SERINC4: variants seen among roughly 807,000 people sequenced by gnomAD.
SERINC4 encodes serine incorporator 4.
A neutral mutation model predicts 52.0 loss-of-function variants in SERINC4; 52 were observed. The ratio of observed to expected loss-of-function variants is 1.00; its 90% CI spans 0.80 to 1.26. SERINC4 has a LOEUF of 1.26. SERINC4 is among the 50% of genes most tolerant of loss of function. SERINC4 has a pLI of 0.00. For synonymous variants in SERINC4, 264 were observed against 247.7 expected (o/e 1.07, Z -0.62); for missense variants, 723 against 632.8 (o/e 1.14, Z -1.53).
At chr15:43,797,606 T>C in intron 5 of SERINC4, 1 of 516,914 alleles carries the variant, frequency 1.9e-6, no homozygotes. Context: ...TTGGCCAGGC[T>C]GGTCTCAAAC....
Position 43,795,665 on chromosome 15 carries a change from A to C in SERINC4, c.1189+23T>G, listed in dbSNP as rs2087196640. 6.8e-6 allele frequency: 11 copies of C among 1,613,270 alleles called. No individual in the cohort carries two copies. In the East Asian group the frequency reaches 2.5e-4, roughly 36 times the overall value. On this transcript the variant is annotated intron_variant, in intron 10 of 11. Coordinates refer to ENST00000319327, the MANE Select transcript of SERINC4 (RefSeq NM_001258031.2). The stretch of plus-strand genomic sequence containing the variant: ...ACTCCACAGAGATCTACCACTTCTT[A>C]TGGTTCCTCACTTGGCACTCACCTT...
In SERINC4 at chr15:43,796,910, G is replaced by A. The variant is rs773034888; in HGVS notation, c.875C>T (p.Ser292Phe). 4.3e-6 allele frequency: 7 copies of A among 1,613,318 alleles called. No homozygotes were observed. In the South Asian group the frequency reaches 4.4e-5, roughly 10 times the overall value. The change falls in exon 7 of 12, where the codon TCT (serine) becomes TTT (phenylalanine). Residue 292 changes from serine (S) to phenylalanine (F), a missense_variant. Physicochemically the swap from Ser to Phe is radical, Grantham distance 155. Coordinates refer to ENST00000319327, the MANE Select transcript of SERINC4 (RefSeq NM_001258031.2). ...ATACATGATATAGCAGCTGATGACA[G>A]AAGCTTGTAGGAGGCCAGAGCGGGG... is the stretch of plus-strand genomic sequence containing the variant. Reference protein sequence around the residue: ...KQPRSGLLQASVISCYIMYLT... With the variant: ...KQPRSGLLQAFVISCYIMYLT...
Position 43,799,226 on chromosome 15 carries a change from C to G in SERINC4, c.279+84G>C, listed in dbSNP as rs1263346141. 4.6e-6 allele frequency: 7 copies of G among 1,510,324 alleles called. No individual in the cohort carries two copies. The Admixed American group carries it at 5.9e-5, about 13-fold the overall frequency. The allele number at this position is 1,510,324 out of a possible 1,614,324, so 93.6% of individuals were successfully genotyped here. On this transcript the variant is annotated intron_variant, in intron 2 of 11. Transcript: ENST00000319327. ...CACGGGTATGACCACTCATTTGTCTCCTGCCCCCAACCGAAACCTTTTCTA... is the reference window on the plus strand; with the variant it reads ...CACGGGTATGACCACTCATTTGTCTGCTGCCCCCAACCGAAACCTTTTCTA...
chr15:43,795,040 T>C lies in SERINC4; in HGVS notation c.1517A>G (p.His506Arg). Residue 506 changes from histidine to arginine, a missense_variant, in exon 12 of 12, where the codon CAC (histidine) becomes CGC (arginine). Physicochemically the swap from His to Arg is conservative, Grantham distance 29. Coordinates refer to ENST00000319327, the MANE Select transcript of SERINC4 (RefSeq NM_001258031.2). ...TTTGTTATCTGGGGATATGATGCGG[T>C]GGCGGCGGCGCCTCAAGATAAGGGG... ...PQPLILRRRR[H>R]RIISPDNKYP... 3 of 1,601,156 alleles carry C rather than the reference T, an allele frequency of 1.9e-6. No homozygotes were observed. Among genetic ancestry groups the C allele is most frequent in the Non-Finnish European group, 2.6e-6 (3 of 1,172,612 alleles).
rs1203386648 is a variant in SERINC4, at chr15:43,799,919, C to T, written c.68G>A (p.Gly23Asp). Residue 23 changes from glycine (G) to aspartate (D), a missense_variant, in exon 1 of 12, where the codon GGC becomes GAC. Transcript: ENST00000319327. ...SLGLAQQHSG[G>D]SSVLVKSPFC... The stretch of plus-strand genomic sequence containing the variant: ...GGGACTTTTCACTAGGACACTGCTG[C>T]CTCCGCTGTGCTGCTGTGCCAGGCC... The T allele has an allele frequency of 5.8e-6, 9 of 1,549,658 alleles. No individual in the cohort carries two copies. Among genetic ancestry groups the T allele is most frequent in the African/African-American group, 5.5e-5 (4 of 73,030 alleles).
rs1420764094 is a variant in SERINC4 at position 43,797,325 on chromosome 15, A to T, written c.664T>A (p.Phe222Ile). The change falls in exon 6 of 12, where the codon TTC becomes ATC. Residue 222 changes from phenylalanine to isoleucine, a missense_variant. Phe to Ile is a conservative substitution (Grantham distance 21, BLOSUM62 0). Coordinates refer to ENST00000319327, the MANE Select transcript of SERINC4 (RefSeq NM_001258031.2). ...QTGAAQDCSW[F>I]LAVLLATLGF... is the part of the protein sequence containing the mutation. ...AGGGTGGCCAGCAGGACAGCCAGGAACCAGCTACAGTCTTGAGCTGCACCT... is the reference window on the plus strand; with the variant it reads ...AGGGTGGCCAGCAGGACAGCCAGGATCCAGCTACAGTCTTGAGCTGCACCT... 1 of 1,548,948 alleles carries T rather than the reference A, an allele frequency of 6.5e-7. No homozygotes were observed. Among genetic ancestry groups the T allele is most frequent in the Admixed American group, 2.0e-5 (1 of 50,980 alleles).
At position 43,796,872 on chromosome 15, in the gene SERINC4, C is replaced by T; in HGVS notation, c.913G>A (p.Ala305Thr). The T allele has an allele frequency of 6.2e-7, 1 of 1,614,082 alleles. No individual in the cohort carries two copies. Among genetic ancestry groups the T allele is most frequent in the South Asian group, 1.1e-5 (1 of 91,076 alleles). Residue 305 changes from alanine to threonine, a missense_variant, in exon 7 of 12, where the codon GCA (alanine) becomes ACA (threonine). Ala to Thr is a moderately conservative substitution (Grantham distance 58, BLOSUM62 0). Coordinates refer to ENST00000319327, the MANE Select transcript of SERINC4 (RefSeq NM_001258031.2). ...SCYIMYLTFS[A>T]LSSRPPERVI... ...CTCTCTGGAGGACGGCTGGACAGTG[C>T]AGAGAAAGTCAGATACATGATATAG... is the stretch of plus-strand genomic sequence containing the variant.
At chr15:43,795,888 G>T in intron 9 of SERINC4, 152 bp from the exon 10 acceptor site, 1 of 746,284 alleles carries the variant, frequency 1.3e-6, no homozygotes, top group Non-Finnish European at 2.2e-6. Flanking sequence ...TGGCTGTGCA[G>T]ACTTTGGTAA....
At chr15:43,797,032 G>A in intron 6 of SERINC4, 92 bp from the exon 7 acceptor site, 1 of 1,446,016 alleles carries the variant, frequency 6.9e-7, no homozygotes, top group South Asian at 1.2e-5. Flanking sequence ...ATCCTTTGGT[G>A]GGGATAGGGA....
rs1309566110 is a variant in SERINC4, at chr15:43,794,758, G to C, written c.*242C>G. 2.1e-6 allele frequency: 1 copy of C among 472,938 alleles called. No homozygotes were observed. The allele number at this position is 472,938 out of a possible 1,614,324, so 29.3% of individuals were successfully genotyped here. On this transcript the variant is annotated 3_prime_UTR_variant, in exon 12 of 12. Coordinates refer to ENST00000319327, the MANE Select transcript of SERINC4 (RefSeq NM_001258031.2). ...GGGATCAGCGGTGGTTCTTTGAGCTGCTGATTTGGGTGTTAGGCTCTTGAG... is the reference window on the plus strand; with the variant it reads ...GGGATCAGCGGTGGTTCTTTGAGCTCCTGATTTGGGTGTTAGGCTCTTGAG...
At chr15:43,798,548 A>T (rs780763002) in intron 3 of SERINC4, 44 bp from the exon 4 acceptor site, 1 of 1,455,846 alleles carries the variant, frequency 6.9e-7, no homozygotes, top group Non-Finnish European at 9.6e-7. Context: ...GAGAAAAGGC[A>T]AAGGACAGTG....
In SERINC4 at chr15:43,797,034, G is replaced by A. The variant is rs1348283131; in HGVS notation, c.845-94C>T. 5 of 1,452,348 alleles carry A rather than the reference G, an allele frequency of 3.4e-6. No individual in the cohort carries two copies. In the African/African-American group the frequency reaches 5.6e-5, roughly 16 times the overall value. 90.0% of individuals were successfully genotyped at this position (1,452,348 alleles called of 1,614,324 possible). ...CTTCTGTCTCCCCATCCTTTGGTGG[G>A]GATAGGGAAGCAGAGATTCTTTTAT... On this transcript the variant is annotated intron_variant, in intron 6 of 11. Coordinates refer to ENST00000319327, the MANE Select transcript of SERINC4 (RefSeq NM_001258031.2).
At position 43,796,824 on chromosome 15, in the gene SERINC4, A is replaced by T. The variant is rs776430494; in HGVS notation, c.940+21T>A. On this transcript the variant is annotated intron_variant, in intron 7 of 11. Transcript: ENST00000319327. Reference sequence around the variant, plus strand: ...GGCAAAAAAAGGTCTTAGCATGGAGAATCCAGGTCCTGTCCCTTACCTCTC... The same window carrying T: ...GGCAAAAAAAGGTCTTAGCATGGAGTATCCAGGTCCTGTCCCTTACCTCTC... The T allele has an allele frequency of 4.3e-6, 7 of 1,613,410 alleles. No homozygotes were observed. In the South Asian group the frequency reaches 6.6e-5, roughly 15 times the overall value.
chr15:43,797,218 C>G lies in SERINC4; in HGVS notation c.771G>C (p.Lys257Asn). The change falls in exon 6 of 12, where the codon AAG (lysine) becomes AAC (asparagine). Residue 257 changes from lysine to asparagine, a missense_variant. Lys to Asn is a moderately conservative substitution (Grantham distance 94). Coordinates refer to ENST00000319327, the MANE Select transcript of SERINC4 (RefSeq NM_001258031.2). ...YTHPAGCLLN[K>N]MLLSLHLCFC... ...AGCAAAGGTGCAGACTGAGGAGCAT[C>G]TTGTTAAGCAGGCAGCCAGCTGGGT... The G allele has an allele frequency of 6.4e-7, 1 of 1,550,750 alleles. No homozygotes were observed. Among genetic ancestry groups the G allele is most frequent in the South Asian group, 1.2e-5 (1 of 84,052 alleles).
rs2087287031 is a variant in SERINC4 at position 43,799,932 on chromosome 15, G to A, written c.55C>T (p.Gln19Ter). Residue 19 changes from glutamine to a stop codon, truncating the protein, a stop_gained, in exon 1 of 12, where the codon CAG (glutamine) becomes TAG (stop). Transcript: ENST00000319327. LOFTEE classifies it high-confidence loss of function. Reference sequence around the variant, plus strand: ...AGGACACTGCTGCCTCCGCTGTGCTGCTGTGCCAGGCCCAGGGAGGTGCCG... The same window carrying A: ...AGGACACTGCTGCCTCCGCTGTGCTACTGTGCCAGGCCCAGGGAGGTGCCG... ...SPGTSLGLAQ[Q>*]HSGGSSVLVK... 1 of 1,549,502 alleles carries A rather than the reference G, an allele frequency of 6.5e-7. No individual in the cohort carries two copies. The highest frequency in any genetic ancestry group is 1.4e-5 in the African/African-American group (1 of 73,006).
In SERINC4 at chr15:43,799,934, T is replaced by A; in HGVS notation, c.53A>T (p.Gln18Leu). The A allele has an allele frequency of 7.7e-6, 12 of 1,549,708 alleles. No homozygotes were observed. Among genetic ancestry groups the A allele is most frequent in the Non-Finnish European group, 1.0e-5 (12 of 1,146,654 alleles). Residue 18 changes from glutamine (Q) to leucine (L), a missense_variant, in exon 1 of 12, where the codon CAG becomes CTG. By Grantham distance (113) the Gln-to-Leu change is moderately radical (BLOSUM62 -2). Coordinates refer to ENST00000319327, the MANE Select transcript of SERINC4 (RefSeq NM_001258031.2). The part of the protein sequence containing the change: ...PSPGTSLGLA[Q>L]QHSGGSSVLV... Reference sequence around the variant, plus strand: ...GACACTGCTGCCTCCGCTGTGCTGCTGTGCCAGGCCCAGGGAGGTGCCGGG... The same window carrying A: ...GACACTGCTGCCTCCGCTGTGCTGCAGTGCCAGGCCCAGGGAGGTGCCGGG...
Position 43,796,918 on chromosome 15 carries a change from T to A in SERINC4, c.867A>T (p.Leu289=). Reference sequence around the variant, plus strand: ...TATAGCAGCTGATGACAGAAGCTTGTAGGAGGCCAGAGCGGGGTTGCTCTG... The same window carrying A: ...TATAGCAGCTGATGACAGAAGCTTGAAGGAGGCCAGAGCGGGGTTGCTCTG... The part of the protein sequence containing the change: ...IRLKQPRSGL[L]QASVISCYIM... The change falls in exon 7 of 12, where the codon CTA becomes CTT. Residue 289 remains leucine, a synonymous_variant. Transcript: ENST00000319327. The A allele has an allele frequency of 6.2e-7, 1 of 1,613,940 alleles. No individual in the cohort carries two copies. Among genetic ancestry groups the A allele is most frequent in the Non-Finnish European group, 8.5e-7 (1 of 1,179,904 alleles).
chr15:43,798,570 T>C lies in SERINC4; in HGVS notation c.459-66A>G. On this transcript the variant is annotated intron_variant, in intron 3 of 11. Coordinates refer to ENST00000319327, the MANE Select transcript of SERINC4 (RefSeq NM_001258031.2). ...GGCAAAGGACAGTGAAGAGTGCCTA[T>C]GGGGAAAGGCAAAAGAGAAACCAAA... The C allele has an allele frequency of 4.0e-6, 5 of 1,242,654 alleles. No individual in the cohort carries two copies. In the East Asian group the frequency reaches 9.3e-5, roughly 23 times the overall value. 77.0% of individuals were successfully genotyped at this position (1,242,654 alleles called of 1,614,324 possible).
chr15:43,796,382 C>G, intron 8 of SERINC4, 155 bp from the exon 9 acceptor site: 2 of 720,330 alleles, frequency 2.8e-6, no homozygotes, highest in South Asian at 3.7e-5. Flanking sequence ...CATGTGAGAG[C>G]CCTAAGGTCT....
Sources: allele counts gnomAD v4.1 joint callset, GRCh38; gene constraint gnomAD v4.1.1; transcripts MANE v1.5; gene names NCBI Gene and HGNC (gene_info 2026-07-23, HGNC 2026-07-21).